Variants in GLT1D1 observed in about 807,000 individuals in gnomAD.
The protein encoded by GLT1D1 is glycosyltransferase 1 domain containing 1.
A neutral mutation model predicts 28.7 loss-of-function variants in GLT1D1; 21 were observed. The ratio of observed to expected loss-of-function variants is 0.73; its 90% CI spans 0.52 to 1.05. The LOEUF is 1.05. Ranked by LOEUF, GLT1D1 falls within the 50% of genes least tolerant of loss-of-function variation. GLT1D1 has a pLI of 0.00. For missense variants in GLT1D1, 343 were observed against 330.6 expected (o/e 1.04, Z -0.29); for synonymous variants, 147 against 124.8 (o/e 1.18, Z -1.19).
chr12:128,857,977 G>C (rs1002264782), intron 1 of GLT1D1, among the ~76,000 whole-genome samples: 1 of 152,270 alleles, frequency 6.6e-6, no homozygotes, highest in South Asian at 2.1e-4. Flanking sequence ...CCCATTCCCT[G>C]TTGAAAAATG....
At chr12:128,878,020 C>A (rs931782148) in intron 2 of GLT1D1, among the ~76,000 whole-genome samples, 3 of 152,198 alleles carry the variant, frequency 2.0e-5, no homozygotes, top group Non-Finnish European at 2.9e-5. Context: ...CCTGAGAGAA[C>A]CATCAAAAGA....
chr12:128,912,354 T>C, intron 4 of GLT1D1, 70 bp from the exon 5 acceptor site: 1 of 998,520 alleles, frequency 1.0e-6, no homozygotes. Context: ...ACCTTCATTT[T>C]ATTTCTAAAA....
In GLT1D1 at chr12:128,958,775, A is replaced by T. The variant is rs1877573271; in HGVS notation, c.639+1132A>T. 2.0e-5 allele frequency among the ~76,000 whole-genome samples: 3 copies of T among 146,536 alleles called. No individual in the cohort carries two copies. The South Asian group carries it at 6.5e-4, about 32-fold the overall frequency. On this transcript the variant is annotated intron_variant, in intron 7 of 7. Transcript: ENST00000281703. ...AAAAAAAAAAAAAAAAAAAAAAAAA[A>T]AAGGAAGGCATTGTCACTACGTATG...
chr12:128,890,086 G>A (rs994895216), intron 3 of GLT1D1, among the ~76,000 whole-genome samples: 1 of 152,158 alleles, frequency 6.6e-6, no homozygotes, highest in Non-Finnish European at 1.5e-5. Context: ...AAATGGGCCA[G>A]TTTTCTAAAA....
intron 4 of GLT1D1, among the ~76,000 whole-genome samples, chr12:128,932,124 G>T (rs1246237425): frequency 6.6e-6 from 1 of 152,196 alleles, no homozygotes; most frequent in Non-Finnish European, 1.5e-5. Flanking sequence ...CTGCATGAAG[G>T]TGCTGCCGGC....
intron 4 of GLT1D1, among the ~76,000 whole-genome samples, chr12:128,926,662 T>C (rs780725463): frequency 5.3e-5 from 8 of 152,238 alleles, no homozygotes; most frequent in Non-Finnish European, 8.8e-5. Flanking sequence ...AGTTTTCCAC[T>C]GTCCTGTGCC....
chr12:128,897,754 C>T (rs545318502), intron 3 of GLT1D1, among the ~76,000 whole-genome samples: 34 of 152,008 alleles, frequency 2.2e-4, no homozygotes, highest in Admixed American at 4.6e-4. Flanking sequence ...CTGCAAGCTC[C>T]GCCTCCCGGG....
At chr12:128,957,513 C>T (rs914011132) in intron 6 of GLT1D1, 32 bp from the exon 11 acceptor site, 2 of 1,472,744 alleles carry the variant, frequency 1.4e-6, no homozygotes, top group African/African-American at 1.4e-5. Context: ...GAAATGACTG[C>T]CTTCCACCCC....
intron 4 of GLT1D1, among the ~76,000 whole-genome samples, chr12:128,929,962 C>T (rs1291918290): frequency 1.3e-5 from 2 of 152,118 alleles, no homozygotes; most frequent in Non-Finnish European, 2.9e-5. Flanking sequence ...GGTGACAGAG[C>T]AAGATTCTGT....
chr12:128,856,917 A>T (rs905934553), intron 1 of GLT1D1, among the ~76,000 whole-genome samples: 3 of 152,230 alleles, frequency 2.0e-5, no homozygotes, highest in Admixed American at 2.0e-4. Context: ...ATGAGCCAAG[A>T]TGGCGCCACT....
At chr12:128,870,197 G>A (rs113339642) in intron 1 of GLT1D1, among the ~76,000 whole-genome samples, 4,146 of 151,936 alleles carry the variant, frequency 0.027, 191 homozygotes, top group African/African-American at 0.094. Context: ...CAGCCTGGGC[G>A]ACAGAGTGAG....
At chr12:128,920,309 G>A (rs1318657424) in intron 4 of GLT1D1, among the ~76,000 whole-genome samples, 1 of 152,164 alleles carries the variant, frequency 6.6e-6, no homozygotes, top group Non-Finnish European at 1.5e-5. Flanking sequence ...CACTTCGGGA[G>A]GCCGGAGGCC....
intron 4 of GLT1D1, among the ~76,000 whole-genome samples, chr12:128,901,745 T>TA (rs1438869382): frequency 6.6e-6 from 1 of 151,330 alleles, no homozygotes; most frequent in South Asian, 2.1e-4. Flanking sequence ...CCTCTTTTTT[T>TA]TTATTATTAT....
At position 128,974,374 on chromosome 12, in the gene GLT1D1, C is replaced by T. The variant is rs535336927; in HGVS notation, c.640-8555C>T. Among the ~76,000 whole-genome samples the T allele has an allele frequency of 9.9e-5, 15 of 152,258 alleles. No individual in the cohort carries two copies. The East Asian group carries it at 2.7e-3, about 28-fold the overall frequency. On this transcript the variant is annotated intron_variant, in intron 7 of 7. Transcript: ENST00000281703. The stretch of plus-strand genomic sequence containing the variant: ...TGAGCCACACTAACCCTGCATCGTG[C>T]ATTTCATGAGCCACAGAGCCCCGGG...
chr12:128,974,440 C>T (rs1879570655), intron 7 of GLT1D1, among the ~76,000 whole-genome samples: 1 of 152,198 alleles, frequency 6.6e-6, no homozygotes, highest in Admixed American at 6.5e-5. Flanking sequence ...CGGTCAGTGA[C>T]CCTGCTGTTA....
At chr12:128,909,936 A>C (rs1871346230) in intron 4 of GLT1D1, among the ~76,000 whole-genome samples, 1 of 152,292 alleles carries the variant, frequency 6.6e-6, no homozygotes, top group African/African-American at 2.4e-5. Flanking sequence ...CAGAGAGAAC[A>C]ATAATAAATA....
At chr12:128,927,448 C>T (rs1873344796) in intron 4 of GLT1D1, among the ~76,000 whole-genome samples, 1 of 151,586 alleles carries the variant, frequency 6.6e-6, no homozygotes, top group Non-Finnish European at 1.5e-5. Flanking sequence ...CCGTGTTAGC[C>T]AGGATGGTCT....
At chr12:128,920,773 A>G (rs960706622) in intron 4 of GLT1D1, among the ~76,000 whole-genome samples, 16 of 152,232 alleles carry the variant, frequency 1.1e-4, no homozygotes, top group African/African-American at 3.9e-4. Flanking sequence ...ACCGTTCTCC[A>G]GGAAATGGTT....
chr12:128,951,261 G>A (rs1377923094), intron 6 of GLT1D1, among the ~76,000 whole-genome samples: 1 of 152,114 alleles, frequency 6.6e-6, no homozygotes, highest in Admixed American at 6.5e-5. Context: ...AAATGAGCCA[G>A]GTGTGATGAC....
Sources: allele counts gnomAD v4.1 joint callset (sites outside exome capture counted in the v4.1 genomes callset), GRCh38; gene constraint gnomAD v4.1.1; transcripts MANE v1.5; gene names NCBI Gene and HGNC (gene_info 2026-07-23, HGNC 2026-07-21).